Variants in TTC7A observed in about 807,000 individuals in gnomAD.
TTC7A encodes tetratricopeptide repeat protein 7A.
Under a neutral mutation model 103.7 loss-of-function variants are expected in TTC7A, and 110 were observed. That is an observed-to-expected ratio of 1.06 (90% CI 0.91 to 1.24). TTC7A has a LOEUF of 1.24. Ranked by LOEUF, TTC7A falls within the 50% of genes most tolerant of loss-of-function variation. The pLI is 0.00. For synonymous variants in TTC7A, 521 were observed against 467.9 expected, an observed-to-expected ratio of 1.11 and a Z score of -1.47; for missense variants, 1,340 against 1,116.3, an observed-to-expected ratio of 1.20 and a Z score of -2.86.
intron 4 of TTC7A, among the ~76,000 whole-genome samples, chr2:46,978,424 G>A (rs896104709): frequency 1.3e-5 from 2 of 152,172 alleles, no homozygotes; most frequent in African/African-American, 4.8e-5. Context: ...AAAGCTCTGT[G>A]ATTGTTGAAT....
In TTC7A at chr2:46,989,801, T is replaced by C. The variant is rs1453650642; in HGVS notation, c.765-3649T>C. On this transcript the variant is annotated intron_variant, in intron 5 of 19. Coordinates refer to ENST00000319190, the MANE Select transcript of TTC7A (RefSeq NM_020458.4). The stretch of plus-strand genomic sequence containing the variant: ...GTGCAGTCCTGATTCTTTAATTGCG[T>C]GTGTGTGTGTGTGTGCATCTGTGTG... Among the ~76,000 whole-genome samples, 6 of 104,850 alleles carry C rather than the reference T, an allele frequency of 5.7e-5. No homozygotes were observed. In the East Asian group the frequency reaches 1.1e-3, roughly 19 times the overall value. 68.8% of individuals were successfully genotyped at this position (104,850 alleles called of 152,430 possible).
chr2:46,998,302 C>A (rs1676431837), intron 8 of TTC7A, among the ~76,000 whole-genome samples: 1 of 152,194 alleles, frequency 6.6e-6, no homozygotes, highest in African/African-American at 2.4e-5. Context: ...TGACCTTTCC[C>A]CCGGCTGCTG....
At chr2:46,946,783 A>G (rs1470687898) in intron 1 of TTC7A, among the ~76,000 whole-genome samples, 3 of 151,562 alleles carry the variant, frequency 2.0e-5, no homozygotes, top group Non-Finnish European at 2.9e-5. Flanking sequence ...CTTCAGTTCC[A>G]TAGACTGAAC....
chr2:46,981,399 G>A (rs938322085), intron 5 of TTC7A, among the ~76,000 whole-genome samples: 13 of 152,206 alleles, frequency 8.5e-5, no homozygotes, highest in African/African-American at 2.2e-4. Context: ...TCAGAGCTAT[G>A]TGGGGCTGGG....
chr2:46,944,812 A>G (rs1670791074), intron 1 of TTC7A, among the ~76,000 whole-genome samples: 1 of 152,162 alleles, frequency 6.6e-6, no homozygotes, highest in African/African-American at 2.4e-5. Flanking sequence ...AAGTGTTGAG[A>G]TTTCAGGCAT....
At chr2:47,006,375 A>G (rs1404593700) in intron 9 of TTC7A, among the ~76,000 whole-genome samples, 2 of 152,106 alleles carry the variant, frequency 1.3e-5, no homozygotes, top group East Asian at 3.9e-4. Context: ...ATCTTATTCC[A>G]TTTGCTCTTT....
chr2:46,992,854 A>T (rs1220109814), intron 5 of TTC7A, among the ~76,000 whole-genome samples: 2 of 152,240 alleles, frequency 1.3e-5, no homozygotes, highest in Non-Finnish European at 2.9e-5. Context: ...CTTCGGTTTT[A>T]TGTCAGGGAA....
In TTC7A at chr2:47,052,889, G is replaced by T. The variant is rs77534302; in HGVS notation, c.2152+1009G>T. 7.2e-5 allele frequency among the ~76,000 whole-genome samples: 11 copies of T among 152,260 alleles called. No homozygotes were observed. In the South Asian group the frequency reaches 8.3e-4, roughly 11 times the overall value. ...CATGGGGGTGTGCTATTGTCCCCAG[G>T]GGGGGAGTTGGAGAAGAAACCGAAA... On this transcript the variant is annotated intron_variant, in intron 18 of 19. Transcript: ENST00000319190.
intron 15 of TTC7A, among the ~76,000 whole-genome samples, chr2:47,043,740 C>G (rs933571625): frequency 3.3e-5 from 5 of 152,172 alleles, no homozygotes; most frequent in Admixed American, 1.3e-4. Context: ...GGAGCACTTG[C>G]CCCAGCCCAG....
chr2:47,009,886 GTTTTT>G (rs34401578), intron 10 of TTC7A, among the ~76,000 whole-genome samples: 1 of 93,518 alleles, frequency 1.1e-5, no homozygotes, highest in Non-Finnish European at 2.0e-5. Flanking sequence ...GTGTGTGTGT[GTTTTT>G]TTTTTTTTTT....
At position 47,050,015 on chromosome 2, in the gene TTC7A, G is replaced by C; in HGVS notation, c.1986G>C (p.Leu662=). Residue 662 remains leucine (L), a synonymous_variant, in exon 17 of 20, where the codon CTG becomes CTC. Transcript: ENST00000319190. ...TGAAGAAGCAGAGTGGCATGCACCT[G>C]ACTTTGCCTGATGCCCATGATGCAG... ...LTMKKQSGMH[L]TLPDAHDADS... The C allele has an allele frequency of 6.2e-7, 1 of 1,614,162 alleles. No homozygotes were observed. The highest frequency in any genetic ancestry group is 8.5e-7 in the Non-Finnish European group (1 of 1,180,024).
intron 12 of TTC7A, 74 bp downstream of exon 12, chr2:47,022,053 C>T: frequency 9.5e-7 from 1 of 1,051,982 alleles, no homozygotes; most frequent in South Asian, 1.4e-5. Context: ...GGCATCTTGT[C>T]CTACCGGCAC....
intron 8 of TTC7A, among the ~76,000 whole-genome samples, chr2:47,001,933 G>A (rs556499507): frequency 6.6e-6 from 1 of 152,006 alleles, no homozygotes; most frequent in East Asian, 1.9e-4. Flanking sequence ...AGTAGTCCCT[G>A]CCTTGGGTTT....
chr2:47,013,842 C>A (rs1233365929), intron 11 of TTC7A, among the ~76,000 whole-genome samples: 1 of 152,206 alleles, frequency 6.6e-6, no homozygotes, highest in Non-Finnish European at 1.5e-5. Context: ...AGCTGTTTAA[C>A]TTCAGCTGAG....
intron 15 of TTC7A, among the ~76,000 whole-genome samples, chr2:47,032,990 T>C (rs1680730880): frequency 6.6e-6 from 1 of 152,004 alleles, no homozygotes; most frequent in African/African-American, 2.4e-5. Context: ...CCATAGGGTA[T>C]GACCATTATC....
At chr2:47,049,811 C>G in intron 16 of TTC7A, 138 bp from the exon 17 acceptor site, 1 of 657,948 alleles carries the variant, frequency 1.5e-6, no homozygotes, top group Non-Finnish European at 2.7e-6. Context: ...GGGCCTGAAC[C>G]CACAGCCCCA....
chr2:46,951,115 C>T (rs1029328817), intron 2 of TTC7A, among the ~76,000 whole-genome samples: 1 of 152,144 alleles, frequency 6.6e-6, no homozygotes. Flanking sequence ...AGCTCCATAA[C>T]AGGGCAAGCC....
chr2:46,943,439 G>A (rs1488913256), intron 1 of TTC7A, among the ~76,000 whole-genome samples: 3 of 152,090 alleles, frequency 2.0e-5, no homozygotes, highest in African/African-American at 7.2e-5. Flanking sequence ...GAGATGGAGG[G>A]TCAGCAGGGT....
upstream of TTC7A, among the ~76,000 whole-genome samples, chr2:46,939,771 A>T (rs974615734): frequency 7.9e-5 from 12 of 152,190 alleles, no homozygotes; most frequent in Admixed American, 5.2e-4. Flanking sequence ...TCCAAGTGAA[A>T]TCCGGTTCTG....
Sources: allele counts gnomAD v4.1 joint callset (sites outside exome capture counted in the v4.1 genomes callset), GRCh38; gene constraint gnomAD v4.1.1; transcripts MANE v1.5; gene names NCBI Gene and HGNC (gene_info 2026-07-23, HGNC 2026-07-21).